Variants in CDC23 observed in about 807,000 individuals in gnomAD.
CDC23 encodes cell division cycle 23.
A neutral mutation model predicts 81.7 loss-of-function variants in CDC23; 26 were observed. That is an observed-to-expected ratio of 0.32 (90% CI 0.23 to 0.44). The LOEUF is 0.44. Ranked by LOEUF, CDC23 falls within the 20% of genes least tolerant of loss-of-function variation. CDC23 has a pLI of 1.00. For missense variants in CDC23, 519 were observed against 728.0 expected, an observed-to-expected ratio of 0.71 and a Z score of 3.30; for synonymous variants, 267 against 270.8, an observed-to-expected ratio of 0.99 and a Z score of 0.14.
chr5:138,209,268 AAT>A (rs1246668540), intron 2 of CDC23, among the ~76,000 whole-genome samples: 3 of 151,710 alleles, frequency 2.0e-5, no homozygotes, highest in African/African-American at 7.3e-5. Flanking sequence ...CTCTACTAAA[AAT>A]ACAAAAAATT....
At chr5:138,195,716 A>G (rs1754889105) in intron 9 of CDC23, among the ~76,000 whole-genome samples, 1 of 64,636 alleles carries the variant, frequency 1.5e-5, no homozygotes, top group African/African-American at 5.1e-5. Context: ...TACATATAAT[A>G]TATATGTATA....
chr5:138,191,327 A>T, intron 13 of CDC23, 147 bp downstream of exon 13: 1 of 760,286 alleles, frequency 1.3e-6, no homozygotes, highest in Non-Finnish European at 2.4e-6. Flanking sequence ...CAAGATGGCT[A>T]CATTCACAAA....
chr5:138,192,806 A>C (rs2126579755), intron 9 of CDC23, 149 bp from the exon 10 acceptor site: 1 of 641,860 alleles, frequency 1.6e-6, no homozygotes, highest in East Asian at 2.8e-5. Context: ...CAAAAGGGAA[A>C]TATTCCCTTG....
At chr5:138,189,307 A>G (rs1305970401) in intron 15 of CDC23, among the ~76,000 whole-genome samples, 159 bp from the exon 16 acceptor site, 1 of 151,518 alleles carries the variant, frequency 6.6e-6, no homozygotes, top group Non-Finnish European at 1.5e-5. Flanking sequence ...CCCAGGCTAC[A>G]GTGCAGTGGT....
chr5:138,203,924 A>T (rs963102415), intron 3 of CDC23, among the ~76,000 whole-genome samples: 1 of 152,062 alleles, frequency 6.6e-6, no homozygotes, highest in Non-Finnish European at 1.5e-5. Flanking sequence ...AATAAAAAAA[A>T]AATTGGAATT....
In CDC23 at chr5:138,188,389, G is replaced by C. The variant is rs909111567; in HGVS notation, c.*589C>G. 1 of 152,040 alleles carries C rather than the reference G, an allele frequency of 6.6e-6. No homozygotes were observed. The highest frequency in any genetic ancestry group is 2.4e-5 in the African/African-American group (1 of 41,384). 9.4% of individuals were successfully genotyped at this position (152,040 alleles called of 1,614,324 possible). ...AGTTGAATAAAGTTACTTCCAATTTGAAAGCTTTAGAAGACCCCCCCAAAA... is the reference window on the plus strand; with the variant it reads ...AGTTGAATAAAGTTACTTCCAATTTCAAAGCTTTAGAAGACCCCCCCAAAA... On this transcript the variant is annotated 3_prime_UTR_variant, in exon 16 of 16. Coordinates refer to ENST00000394886, the MANE Select transcript of CDC23 (RefSeq NM_004661.4).
Position 138,213,253 on chromosome 5 carries a change from C to T in CDC23, c.60G>A (p.Leu20=), listed in dbSNP as rs1276509620. ...VAVTAAVAPV[L]SINSDFSDLR... is the part of the protein sequence containing the mutation. Reference sequence around the variant, plus strand: ...AATCTGAGAAATCGCTGTTTATGGACAGGACAGGCGCCACTGCCGCCGTCA... The same window carrying T: ...AATCTGAGAAATCGCTGTTTATGGATAGGACAGGCGCCACTGCCGCCGTCA... The change falls in exon 1 of 16, where the codon CTG becomes CTA. Residue 20 remains leucine, a synonymous_variant. Transcript: ENST00000394886. The T allele has an allele frequency of 1.7e-5, 28 of 1,614,010 alleles. No individual in the cohort carries two copies. The highest frequency in any genetic ancestry group is 2.7e-5 in the African/African-American group (2 of 74,916).
chr5:138,194,567 C>T (rs1049233088), intron 9 of CDC23, among the ~76,000 whole-genome samples: 7 of 151,990 alleles, frequency 4.6e-5, no homozygotes, highest in African/African-American at 7.3e-5. Flanking sequence ...CAAATACACA[C>T]GAGGGAACTT....
rs767602268 is a variant in CDC23 at position 138,210,234 on chromosome 5, TCA to T, written c.234+2755_234+2756del. On this transcript the variant is annotated intron_variant, in intron 2 of 15. Transcript: ENST00000394886. ...CCGTCTCAAAAAAAAAAAAAAAAAT[TCA>T]CAGTTTTGGCCAGGCACGGTGGCTC... 1.5e-3 allele frequency among the ~76,000 whole-genome samples: 226 copies of T among 145,992 alleles called. 2 individuals carry two copies. Among genetic ancestry groups the T allele is most frequent in the Non-Finnish European group, 2.4e-3 (163 of 66,638 alleles).
Position 138,201,193 on chromosome 5 carries a change from C to A in CDC23, c.568G>T (p.Asp190Tyr). 6.2e-7 allele frequency: 1 copy of A among 1,614,182 alleles called. No individual in the cohort carries two copies. Among genetic ancestry groups the A allele is most frequent in the Non-Finnish European group, 8.5e-7 (1 of 1,180,044 alleles). Residue 190 changes from aspartate (D) to tyrosine (Y), a missense_variant, in exon 6 of 16, where the codon GAT (aspartate) becomes TAT (tyrosine). Asp to Tyr is a radical substitution (Grantham distance 160). Transcript: ENST00000394886. Reference sequence around the variant, plus strand: ...ACATGAGTAGCTTCCACAAACACATCAATGGCCTCTTTAACCAAGTCCAGT... The same window carrying A: ...ACATGAGTAGCTTCCACAAACACATAAATGGCCTCTTTAACCAAGTCCAGT... ...RKLDLVKEAI[D>Y]VFVEATHVLP...
chr5:138,188,901 C>T lies in CDC23; in HGVS notation c.*77G>A. 3 of 1,421,608 alleles carry T rather than the reference C, an allele frequency of 2.1e-6. No individual in the cohort carries two copies. The highest frequency in any genetic ancestry group is 2.9e-6 in the Non-Finnish European group (3 of 1,044,364). The allele number at this position is 1,421,608 out of a possible 1,614,324, so 88.1% of individuals were successfully genotyped here. On this transcript the variant is annotated 3_prime_UTR_variant, in exon 16 of 16. Transcript: ENST00000394886. ...ACAAGAAGAGCTGAGGTCCTTGGAA[C>T]AGACGTGCTGTTCTTTACATGGAGG... is the stretch of plus-strand genomic sequence containing the variant.
intron 9 of CDC23, among the ~76,000 whole-genome samples, chr5:138,196,301 T>C (rs1268344387): frequency 1.3e-5 from 2 of 151,802 alleles, no homozygotes; most frequent in East Asian, 1.9e-4. Context: ...ATTGATTTTT[T>C]TTTTTTTTTG....
At chr5:138,202,616 C>T (rs1158639788) in intron 3 of CDC23, among the ~76,000 whole-genome samples, 1 of 152,116 alleles carries the variant, frequency 6.6e-6, no homozygotes, top group African/African-American at 2.4e-5. Flanking sequence ...TTCAGGGCCT[C>T]CCTGGCCAAA....
intron 3 of CDC23, chr5:138,206,136 T>C (rs1755045359): frequency 4.4e-6 from 1 of 228,772 alleles, no homozygotes; most frequent in Non-Finnish European, 8.4e-6. Flanking sequence ...CAGTATTAAG[T>C]TGGTTTACTT....
intron 2 of CDC23, among the ~76,000 whole-genome samples, chr5:138,207,923 G>A (rs1049660046): frequency 1.3e-5 from 2 of 150,554 alleles, no homozygotes; most frequent in African/African-American, 4.9e-5. Context: ...GCAAGACTCT[G>A]TCTCAAAAAA....
intron 9 of CDC23, among the ~76,000 whole-genome samples, chr5:138,194,796 A>G (rs1323313086): frequency 7.1e-6 from 1 of 141,040 alleles, no homozygotes; most frequent in Admixed American, 7.9e-5. Flanking sequence ...ACCTTGGCTC[A>G]CTGCACCCTC....
chr5:138,198,477 G>A lies in CDC23; in HGVS notation c.879C>T (p.Asp293=). The change falls in exon 8 of 16, where the codon GAC becomes GAT. Residue 293 remains aspartate (D), a synonymous_variant. Coordinates refer to ENST00000394886, the MANE Select transcript of CDC23 (RefSeq NM_004661.4). ...LSIFNELRKQ[D]PYRIENMDTF... Reference sequence around the variant, plus strand: ...TGTCCATATTTTCAATCCTGTAAGGGTCTTGTTTCCTTAGCTCATTAAAAA... The same window carrying A: ...TGTCCATATTTTCAATCCTGTAAGGATCTTGTTTCCTTAGCTCATTAAAAA... The A allele has an allele frequency of 8.1e-6, 13 of 1,614,144 alleles. No homozygotes were observed. Among genetic ancestry groups the A allele is most frequent in the South Asian group, 1.1e-5 (1 of 91,072 alleles).
chr5:138,209,208 C>T (rs1310061735), intron 2 of CDC23, among the ~76,000 whole-genome samples: 1 of 151,754 alleles, frequency 6.6e-6, no homozygotes, highest in Non-Finnish European at 1.5e-5. Context: ...AGGTGGATCA[C>T]CTGAGGTCAA....
intron 2 of CDC23, among the ~76,000 whole-genome samples, chr5:138,211,909 C>T (rs947281214): frequency 6.6e-6 from 1 of 152,188 alleles, no homozygotes; most frequent in African/African-American, 2.4e-5. Context: ...CAAATATAAA[C>T]TGCATTGACT....
Sources: gnomAD v4.1 joint callset for allele counts (sites outside exome capture counted in the v4.1 genomes callset) on GRCh38, gnomAD v4.1.1 for gene constraint, MANE v1.5 for transcripts, NCBI Gene and HGNC (gene_info 2026-07-23, HGNC 2026-07-21) for gene names.